The following CAMK4 variants were observed in gnomAD, a reference collection of about 807,000 sequenced individuals.
CAMK4 encodes calcium/calmodulin dependent protein kinase IV.
In CAMK4, 22 loss-of-function variants were observed where a neutral mutation model predicts 44.9. The ratio of observed to expected loss-of-function variants is 0.49; its 90% CI spans 0.35 to 0.70. The LOEUF (loss-of-function observed/expected upper bound fraction) is 0.70, where lower values mean the gene tolerates loss of function less well. Ranked by LOEUF, CAMK4 falls within the 30% of genes least tolerant of loss-of-function variation. The pLI, the probability that CAMK4 is intolerant of heterozygous loss-of-function variation, is 0.01. For synonymous variants in CAMK4, 218 were observed against 215.4 expected, an observed-to-expected ratio of 1.01 and a Z score of -0.11; for missense variants, 498 against 586.8, an observed-to-expected ratio of 0.85 and a Z score of 1.56.
At chr5:111,410,299 G>A (rs1752585863) in intron 5 of CAMK4, among the ~76,000 whole-genome samples, 1 of 152,142 alleles carries the variant, frequency 6.6e-6, no homozygotes, top group Admixed American at 6.5e-5. Flanking sequence ...CAGTCAAGAG[G>A]GCTTGTGCAG....
rs60254627 is a variant in CAMK4 at position 111,467,934 on chromosome 5, T to TCACACACACACACA, written c.626-5353_626-5340dup. ...AATCAGTGAGTTCGTAAAGAAATTGTCACACACACACACACACACACACAC... is the reference window on the plus strand; with the variant it reads ...AATCAGTGAGTTCGTAAAGAAATTGTCACACACACACACACACACACACACACACACACACACAC... On this transcript the variant is annotated intron_variant, in intron 7 of 10. Coordinates refer to ENST00000282356, the MANE Select transcript of CAMK4 (RefSeq NM_001744.6). 7.5e-4 allele frequency among the ~76,000 whole-genome samples: 108 copies of TCACACACACACACA among 143,460 alleles called. 1 individual carries two copies. The highest frequency in any genetic ancestry group is 1.0e-3 in the East Asian group (5 of 4,788). The allele number at this position is 143,460 out of a possible 152,430, so 94.1% of individuals were successfully genotyped here.
chr5:111,477,296 A>C (rs193129070), intron 8 of CAMK4, among the ~76,000 whole-genome samples: 146 of 152,358 alleles, frequency 9.6e-4, no homozygotes, highest in African/African-American at 3.4e-3. Flanking sequence ...CCAGTGGGAC[A>C]TTCTGTGAGT....
At chr5:111,373,815 T>C (rs553424245) in intron 2 of CAMK4, among the ~76,000 whole-genome samples, 2 of 152,272 alleles carry the variant, frequency 1.3e-5, no homozygotes, top group South Asian at 4.1e-4. Flanking sequence ...GAAACCATAG[T>C]AAGAGTGCAG....
chr5:111,337,020 G>A (rs1749434488), intron 1 of CAMK4, among the ~76,000 whole-genome samples: 2 of 150,730 alleles, frequency 1.3e-5, no homozygotes, highest in Admixed American at 1.3e-4. Context: ...AGTTTTACTT[G>A]TTTTTACAAT....
At chr5:111,241,592 A>G (rs1334056739) in intron 1 of CAMK4, among the ~76,000 whole-genome samples, 2 of 152,164 alleles carry the variant, frequency 1.3e-5, no homozygotes, top group Non-Finnish European at 2.9e-5. Context: ...CCTTGGGGAA[A>G]AAGGGGTTAA....
intron 1 of CAMK4, among the ~76,000 whole-genome samples, chr5:111,293,903 T>C (rs993891994): frequency 9.2e-5 from 14 of 151,882 alleles, no homozygotes; most frequent in Non-Finnish European, 1.9e-4. Context: ...CCCGCCACCA[T>C]GCCCGGCTAA....
chr5:111,333,308 T>C (rs1749253323), intron 1 of CAMK4, among the ~76,000 whole-genome samples: 1 of 151,558 alleles, frequency 6.6e-6, no homozygotes, highest in African/African-American at 2.4e-5. Context: ...TGCATGCATG[T>C]GCACACACCC....
intron 1 of CAMK4, among the ~76,000 whole-genome samples, chr5:111,318,310 C>G (rs906986417): frequency 2.0e-5 from 3 of 152,062 alleles, no homozygotes; most frequent in African/African-American, 7.2e-5. Context: ...GTGTAGTACC[C>G]CTGTGCCTGT....
At position 111,446,694 on chromosome 5, in the gene CAMK4, T is replaced by C; in HGVS notation, c.468T>C (p.His156=). The C allele has an allele frequency of 6.4e-7, 1 of 1,565,036 alleles. No homozygotes were observed. Among genetic ancestry groups the C allele is most frequent in the Non-Finnish European group, 8.8e-7 (1 of 1,141,758 alleles). ...KQILEAVAYL[H]ENGIVHRDLK... is the part of the protein sequence containing the mutation. ...TTATTTTCCCTCTTTAGTATCTACA[T>C]GAAAATGGGATTGTCCATCGTGATC... Residue 156 remains histidine (H), a synonymous_variant, in exon 6 of 11, where the codon CAT becomes CAC. Transcript: ENST00000282356.
intron 4 of CAMK4, among the ~76,000 whole-genome samples, chr5:111,380,635 T>G (rs1314724108): frequency 6.6e-6 from 1 of 152,192 alleles, no homozygotes; most frequent in Non-Finnish European, 1.5e-5. Context: ...TGTTCTTGTG[T>G]TAGTTTGCTA....
intron 1 of CAMK4, chr5:111,266,252 A>C (rs1401300394): frequency 6.6e-6 from 1 of 151,776 alleles, no homozygotes; most frequent in East Asian, 1.9e-4. Flanking sequence ...AGAAAGAGAG[A>C]GAGAGAGACG....
intron 1 of CAMK4, among the ~76,000 whole-genome samples, chr5:111,265,649 T>C (rs1750207787): frequency 6.6e-6 from 1 of 152,164 alleles, no homozygotes. Flanking sequence ...TTACCCAATC[T>C]TCAAGGAATG....
chr5:111,400,444 C>A (rs1171112101), intron 5 of CAMK4, among the ~76,000 whole-genome samples: 2 of 152,120 alleles, frequency 1.3e-5, no homozygotes, highest in Admixed American at 1.3e-4. Flanking sequence ...TAACTTATAT[C>A]TAGGCTGGTT....
chr5:111,450,295 C>T (rs1405400867), intron 7 of CAMK4, among the ~76,000 whole-genome samples: 1 of 152,202 alleles, frequency 6.6e-6, no homozygotes, highest in African/African-American at 2.4e-5. Flanking sequence ...GATCGCACCA[C>T]TGCACTACAG....
intron 5 of CAMK4, among the ~76,000 whole-genome samples, chr5:111,404,091 C>T (rs550158901): frequency 1.4e-4 from 22 of 151,972 alleles, no homozygotes; most frequent in African/African-American, 5.1e-4. Flanking sequence ...GAGGAGGGGT[C>T]GGGGTAGGAA....
At chr5:111,334,967 C>CT in intron 1 of CAMK4, among the ~76,000 whole-genome samples, 1 of 151,472 alleles carries the variant, frequency 6.6e-6, no homozygotes, top group Non-Finnish European at 1.5e-5. Context: ...AAGTGAAACT[C>CT]TTTAATAGCT....
At chr5:111,393,168 C>A (rs766990981) in intron 4 of CAMK4, among the ~76,000 whole-genome samples, 25 of 152,166 alleles carry the variant, frequency 1.6e-4, no homozygotes, top group Non-Finnish European at 3.1e-4. Flanking sequence ...CTTGAAACTG[C>A]TAATGACTTG....
chr5:111,394,562 G>T (rs1561459831), intron 4 of CAMK4, 148 bp from the exon 5 acceptor site: 3 of 562,276 alleles, frequency 5.3e-6, no homozygotes, highest in South Asian at 2.5e-5. Context: ...TAGAGTGTCA[G>T]TTTGTGGAAA....
intron 5 of CAMK4, among the ~76,000 whole-genome samples, chr5:111,407,076 G>A (rs552948858): frequency 2.4e-4 from 37 of 152,090 alleles, no homozygotes; most frequent in Non-Finnish European, 4.0e-4. Context: ...ACACAAGGCC[G>A]GGTGCGATGG....
Sources: allele counts gnomAD v4.1 joint callset (sites outside exome capture counted in the v4.1 genomes callset), GRCh38; gene constraint gnomAD v4.1.1; transcripts MANE v1.5; gene names NCBI Gene and HGNC (gene_info 2026-07-23, HGNC 2026-07-21).